Variants in STAG2 observed in about 807,000 individuals in gnomAD.
The protein encoded by STAG2 is STAG2 cohesin complex component.
A neutral mutation model predicts 108.1 loss-of-function variants in STAG2; 14 were observed. The ratio of observed to expected loss-of-function variants is 0.13; its 90% CI spans 0.09 to 0.20. STAG2 has a LOEUF of 0.20. STAG2 is among the 10% of genes least tolerant of loss of function. STAG2 has a pLI of 1.00. For synonymous variants in STAG2, 307 were observed against 302.7 expected (o/e 1.01, Z -0.15); for missense variants, 440 against 940.9 (o/e 0.47, Z 6.96).
intron 25 of STAG2, among the ~76,000 whole-genome samples, chrX:124,072,298 A>T: frequency 8.9e-6 from 1 of 111,934 alleles, no homozygotes; most frequent in South Asian, 3.7e-4. Context: ...GGAAAATACA[A>T]CATCAACATG....
At chrX:124,027,049 C>T (rs976689664) in intron 4 of STAG2, among the ~76,000 whole-genome samples, 1 of 111,030 alleles carries the variant, frequency 9.0e-6, no homozygotes, top group Non-Finnish European at 1.9e-5. Context: ...CACCACAGGC[C>T]TGTGCCACGA....
chrX:124,001,132 C>A (rs959470511), intron 1 of STAG2, among the ~76,000 whole-genome samples: 1 of 110,730 alleles, frequency 9.0e-6, no homozygotes, highest in Non-Finnish European at 1.9e-5. Context: ...GCTTTGTCAC[C>A]CAGGCTGGAG....
rs779073464 is a variant in STAG2 at position 124,064,988 on chromosome X, A to G, written c.2026-888A>G. Among the ~76,000 whole-genome samples, 5 of 111,632 alleles carry G rather than the reference A, an allele frequency of 4.5e-5. No individual in the cohort carries two copies. In the East Asian group the frequency reaches 1.1e-3, roughly 25 times the overall value. Reference sequence around the variant, plus strand: ...TAGCCTTTTCCACATCACTTTTATCATTAATGCTGTAAGATCATATGGACT... The same window carrying G: ...TAGCCTTTTCCACATCACTTTTATCGTTAATGCTGTAAGATCATATGGACT... On this transcript the variant is annotated intron_variant, in intron 20 of 34. Transcript: ENST00000371145.
intron 1 of STAG2, among the ~76,000 whole-genome samples, chrX:123,967,343 G>A (rs1004724334): frequency 4.4e-5 from 4 of 91,566 alleles, no homozygotes; most frequent in East Asian, 3.4e-4. Context: ...TTGGCTCACT[G>A]CAACCTCCAC....
chrX:123,977,417 A>G (rs1363902567), intron 1 of STAG2, among the ~76,000 whole-genome samples: 1 of 108,601 alleles, frequency 9.2e-6, no homozygotes, highest in African/African-American at 3.3e-5. Context: ...TTTGGTTTTC[A>G]TATTCCACTA....
chrX:124,020,207 A>T (rs1205394777), intron 1 of STAG2, among the ~76,000 whole-genome samples: 2 of 112,221 alleles, frequency 1.8e-5, no homozygotes, highest in Non-Finnish European at 3.8e-5. Context: ...CTCAGAGATG[A>T]TGCATTCTTT....
chrX:124,084,809 A>C (rs1356798884), intron 29 of STAG2, among the ~76,000 whole-genome samples: 3 of 112,659 alleles, frequency 2.7e-5, no homozygotes, highest in Non-Finnish European at 5.6e-5. Context: ...ATTAGGAAAA[A>C]TTAAGAAGTC....
At chrX:124,071,041 A>G in intron 24 of STAG2, 108 bp from the exon 25 acceptor site, 1 of 581,503 alleles carries the variant, frequency 1.7e-6, no homozygotes, top group African/African-American at 2.3e-5. Context: ...ATTTTTAAAT[A>G]TAGAAAGTTG....
intron 1 of STAG2, among the ~76,000 whole-genome samples, chrX:124,017,091 T>C (rs1199126439): frequency 9.0e-6 from 1 of 111,130 alleles, no homozygotes; most frequent in Non-Finnish European, 1.9e-5. Context: ...AGTGTTCCCC[T>C]CCCCTGTGCT....
chrX:124,071,468 AT>A (rs2058661878), intron 25 of STAG2, 145 bp downstream of exon 25: 4 of 473,530 alleles, frequency 8.4e-6, no homozygotes, highest in Non-Finnish European at 1.3e-5. Flanking sequence ...ATTTATGTTC[AT>A]TTTTTTGTAC....
chrX:124,074,430 A>G (rs986621324), intron 25 of STAG2, among the ~76,000 whole-genome samples: 1 of 112,336 alleles, frequency 8.9e-6, no homozygotes, highest in East Asian at 2.8e-4. Flanking sequence ...GCACATATAC[A>G]TTTGCTTTTC....
At chrX:124,052,466 A>G (rs2058072485) in intron 13 of STAG2, among the ~76,000 whole-genome samples, 2 of 112,589 alleles carry the variant, frequency 1.8e-5, no homozygotes, top group South Asian at 7.2e-4. Flanking sequence ...TTCACTTGGC[A>G]TAATTTCTTC....
chrX:123,962,836 A>G, intron 1 of STAG2, among the ~76,000 whole-genome samples: 1 of 110,407 alleles, frequency 9.1e-6, no homozygotes, highest in Non-Finnish European at 1.9e-5. Context: ...CTGGAGTGTA[A>G]ATTCCATACC....
intron 7 of STAG2, among the ~76,000 whole-genome samples, chrX:124,044,371 C>T (rs760842085): frequency 9.0e-6 from 1 of 111,455 alleles, no homozygotes; most frequent in Non-Finnish European, 1.9e-5. Context: ...TCAGATGAGA[C>T]GCAACTGCAC....
At chrX:124,001,193 C>T (rs978706460) in intron 1 of STAG2, among the ~76,000 whole-genome samples, 2 of 111,010 alleles carry the variant, frequency 1.8e-5, no homozygotes, top group Admixed American at 9.6e-5. Context: ...TGGGTTCAAG[C>T]GATTCTCCTG....
intron 1 of STAG2, among the ~76,000 whole-genome samples, chrX:124,017,544 TG>T (rs1423484218): frequency 9.0e-6 from 1 of 111,440 alleles, no homozygotes; most frequent in African/African-American, 3.3e-5. Context: ...GTAATTATTT[TG>T]GGGGGAAAAA....
chrX:124,035,113 G>C (rs1306330539), intron 5 of STAG2, among the ~76,000 whole-genome samples: 2 of 110,281 alleles, frequency 1.8e-5, no homozygotes, highest in Non-Finnish European at 3.8e-5. Context: ...TGTTGGCCAG[G>C]CTGTCTCTCT....
intron 29 of STAG2, among the ~76,000 whole-genome samples, chrX:124,085,479 G>A (rs2059076596): frequency 9.0e-6 from 1 of 111,233 alleles, no homozygotes; most frequent in Non-Finnish European, 1.9e-5. Flanking sequence ...TGACTGAAGT[G>A]TATTGTAATA....
intron 5 of STAG2, among the ~76,000 whole-genome samples, chrX:124,036,225 A>T (rs1269976074): frequency 1.8e-5 from 2 of 112,133 alleles, no homozygotes; most frequent in East Asian, 5.6e-4. Flanking sequence ...ATTAGATTCT[A>T]CATGTTTTAG....
Sources: gnomAD v4.1 joint callset for allele counts (sites outside exome capture counted in the v4.1 genomes callset) on GRCh38, gnomAD v4.1.1 for gene constraint, MANE v1.5 for transcripts, NCBI Gene and HGNC (gene_info 2026-07-23, HGNC 2026-07-21) for gene names.